ZNF264: variants seen among roughly 807,000 people sequenced by gnomAD.
The protein encoded by ZNF264 is zinc finger protein 264.
Under a neutral mutation model 11.2 loss-of-function variants are expected in ZNF264, and 11 were observed. That is an observed-to-expected ratio of 0.98 (90% CI 0.62 to 1.63). The LOEUF is 1.63. Ranked by LOEUF, ZNF264 falls within the 40% of genes most tolerant of loss-of-function variation. The pLI is 0.00. For synonymous variants in ZNF264, 309 were observed against 279.8 expected (o/e 1.10, Z -1.04); for missense variants, 752 against 768.1 (o/e 0.98, Z 0.25).
chr19:57,203,665 G>A (rs1340700626), intron 2 of ZNF264, among the ~76,000 whole-genome samples: 5 of 152,174 alleles, frequency 3.3e-5, no homozygotes, highest in African/African-American at 4.8e-5. Context: ...ACAGTAGAAC[G>A]TTCAGTTTTT....
At chr19:57,201,338 A>T (rs543093452) in intron 2 of ZNF264, among the ~76,000 whole-genome samples, 1 of 152,034 alleles carries the variant, frequency 6.6e-6, no homozygotes, top group East Asian at 1.9e-4. Context: ...AAGAGGTTTG[A>T]TGCCTCCAGG....
At chr19:57,205,599 ATAT>A in intron 3 of ZNF264, 107 bp downstream of exon 3, 1 of 963,640 alleles carries the variant, frequency 1.0e-6, no homozygotes, top group Non-Finnish European at 1.6e-6. Context: ...GCCTCTCTCT[ATAT>A]AACTCTTATA....
intron 1 of ZNF264, chr19:57,192,464 G>T: frequency 1.0e-6 from 1 of 985,314 alleles, no homozygotes; most frequent in South Asian, 4.7e-5. Flanking sequence ...TACTCTCATC[G>T]CTACAGCCTG....
chr19:57,201,058 T>G (rs2087249672), intron 2 of ZNF264, among the ~76,000 whole-genome samples: 1 of 151,910 alleles, frequency 6.6e-6, no homozygotes, highest in South Asian at 2.1e-4. Flanking sequence ...ATTTACTTAT[T>G]GTATGTGTAT....
rs1336241394 is a variant in ZNF264 at position 57,213,587 on chromosome 19, A to G, written c.*606A>G. On this transcript the variant is annotated 3_prime_UTR_variant, in exon 4 of 4. Transcript: ENST00000263095. ...CCATATGGTAAATTTTTATTTGTTA[A>G]ATTTTTAAAAATTACTTAGCTCAAA... 2 of 152,132 alleles carry G rather than the reference A, an allele frequency of 1.3e-5. No individual in the cohort carries two copies. The highest frequency in any genetic ancestry group is 1.9e-4 in the East Asian group (1 of 5,200). 9.4% of individuals were successfully genotyped at this position (152,132 alleles called of 1,614,324 possible).
intron 2 of ZNF264, among the ~76,000 whole-genome samples, chr19:57,204,076 C>G (rs1374140251): frequency 6.6e-6 from 1 of 152,002 alleles, no homozygotes; most frequent in African/African-American, 2.4e-5. Flanking sequence ...AGTCCCAGCT[C>G]CTCGGGAGGC....
At chr19:57,206,697 A>C (rs540943032) in intron 3 of ZNF264, among the ~76,000 whole-genome samples, 1 of 151,984 alleles carries the variant, frequency 6.6e-6, no homozygotes, top group Non-Finnish European at 1.5e-5. Flanking sequence ...AACTCTAGGG[A>C]ATAGGGCCTT....
intron 2 of ZNF264, among the ~76,000 whole-genome samples, chr19:57,198,636 C>A (rs2087229742): frequency 6.6e-6 from 1 of 151,800 alleles, no homozygotes; most frequent in South Asian, 2.1e-4. Context: ...GCTAAAACTC[C>A]TGACCTCCAT....
chr19:57,194,453 A>T (rs180995571), intron 2 of ZNF264, among the ~76,000 whole-genome samples: 1 of 152,188 alleles, frequency 6.6e-6, no homozygotes, highest in Non-Finnish European at 1.5e-5. Flanking sequence ...AGATATATAT[A>T]AAAAGGACAG....
At chr19:57,194,306 C>T in intron 2 of ZNF264, 1 of 444,630 alleles carries the variant, frequency 2.2e-6, no homozygotes, top group Non-Finnish European at 3.9e-6. Flanking sequence ...TGAGAACCAC[C>T]ACGATGGTGT....
chr19:57,207,607 T>A (rs2087303037), intron 3 of ZNF264, among the ~76,000 whole-genome samples: 2 of 149,718 alleles, frequency 1.3e-5, no homozygotes, highest in African/African-American at 4.9e-5. Flanking sequence ...GCAGTGGTGC[T>A]ATCTTGGCTC....
intron 2 of ZNF264, chr19:57,195,044 A>G (rs1272095352): frequency 5.3e-6 from 2 of 375,622 alleles, no homozygotes; most frequent in Non-Finnish European, 9.5e-6. Flanking sequence ...GAAGCCTTCA[A>G]CATGGGCCAG....
rs200214448 is a variant in ZNF264 at position 57,212,483 on chromosome 19, A to G, written c.1386A>G (p.Lys462=). 40 of 1,612,844 alleles carry G rather than the reference A, an allele frequency of 2.5e-5. No individual in the cohort carries two copies. The highest frequency in any genetic ancestry group is 3.3e-5 in the Admixed American group (2 of 59,876). ...CTTTCGAGTGCAAAGAGTGTGGGAAAGCCTTTAGCAATCGGAAGGACCTCA... is the reference window on the plus strand; with the variant it reads ...CTTTCGAGTGCAAAGAGTGTGGGAAGGCCTTTAGCAATCGGAAGGACCTCA... The part of the protein sequence containing the change: ...EKPFECKECG[K]AFSNRKDLIR... Residue 462 remains lysine (K), a synonymous_variant, in exon 4 of 4, where the codon AAA becomes AAG. Coordinates refer to ENST00000263095, the MANE Select transcript of ZNF264 (RefSeq NM_003417.5).
intron 2 of ZNF264, among the ~76,000 whole-genome samples, chr19:57,203,598 G>T (rs1181908010): frequency 6.6e-6 from 1 of 152,098 alleles, no homozygotes; most frequent in Non-Finnish European, 1.5e-5. Flanking sequence ...TTTATGAAAT[G>T]TTGGTGAGAG....
rs761653401 is a variant in ZNF264, at chr19:57,211,585, C to T, written c.488C>T (p.Thr163Ile). 2 of 1,613,870 alleles carry T rather than the reference C, an allele frequency of 1.2e-6. No individual in the cohort carries two copies. Among genetic ancestry groups the T allele is most frequent in the South Asian group, 1.1e-5 (1 of 91,078 alleles). The change falls in exon 4 of 4, where the codon ACA (threonine) becomes ATA (isoleucine). Residue 163 changes from threonine (T) to isoleucine (I), a missense_variant. Coordinates refer to ENST00000263095, the MANE Select transcript of ZNF264 (RefSeq NM_003417.5). The stretch of plus-strand genomic sequence containing the variant: ...AGCCCTGAATGTGATGGTTTAGGGA[C>T]AGCTGATGGTGTGTGTTCAAGGATT... ...KMSPECDGLG[T>I]ADGVCSRIGQ...
intron 1 of ZNF264, chr19:57,192,299 G>T: frequency 1.0e-6 from 1 of 976,252 alleles, no homozygotes; most frequent in South Asian, 4.7e-5. Context: ...CAGAGACAAG[G>T]TATGTTGTAT....
intron 3 of ZNF264, among the ~76,000 whole-genome samples, chr19:57,209,640 A>C (rs1568475753): frequency 6.6e-6 from 1 of 152,168 alleles, no homozygotes; most frequent in Non-Finnish European, 1.5e-5. Context: ...GCAGTGGCAC[A>C]GTCATACTTT....
rs2122773421 is a variant in ZNF264, at chr19:57,215,735, T to C, written c.*2754T>C. The C allele has an allele frequency of 6.6e-6, 1 of 152,354 alleles. No individual in the cohort carries two copies. The highest frequency in any genetic ancestry group is 2.1e-4 in the South Asian group (1 of 4,834). 9.4% of individuals were successfully genotyped at this position (152,354 alleles called of 1,614,324 possible). A position where few individuals can be genotyped will look rare whatever the true frequency, so the allele number is the denominator to read the frequency against. Reference sequence around the variant, plus strand: ...TGTTTTCATTACATTTTAATTCTAATAGTTTTTATTTTTTGAGACATTCTC... The same window carrying C: ...TGTTTTCATTACATTTTAATTCTAACAGTTTTTATTTTTTGAGACATTCTC... On this transcript the variant is annotated 3_prime_UTR_variant, in exon 4 of 4. Coordinates refer to ENST00000263095, the MANE Select transcript of ZNF264 (RefSeq NM_003417.5).
chr19:57,197,650 C>T lies in ZNF264; in HGVS notation c.160+3649C>T, dbSNP rs1003177832. On this transcript the variant is annotated intron_variant, in intron 2 of 3. Coordinates refer to ENST00000263095, the MANE Select transcript of ZNF264 (RefSeq NM_003417.5). The stretch of plus-strand genomic sequence containing the variant: ...AAAACTGGCAGCCATTTGGGTCACT[C>T]GATAAATGGGCTGGAGTGGCATACC... 1.4e-4 allele frequency among the ~76,000 whole-genome samples: 21 copies of T among 151,994 alleles called. 2 individuals carry two copies. Among genetic ancestry groups the T allele is most frequent in the African/African-American group, 4.4e-4 (18 of 41,306 alleles).
Sources: gnomAD v4.1 joint callset for allele counts (sites outside exome capture counted in the v4.1 genomes callset) on GRCh38, gnomAD v4.1.1 for gene constraint, MANE v1.5 for transcripts, NCBI Gene and HGNC (gene_info 2026-07-23, HGNC 2026-07-21) for gene names.